NRG4: variants seen among roughly 807,000 people sequenced by gnomAD.
The protein encoded by NRG4 is neuregulin 4.
NRG4 carries 10 observed loss-of-function variants against 15.0 expected under a neutral mutation model. That is an observed-to-expected ratio of 0.67 (90% CI 0.41 to 1.13). The LOEUF (loss-of-function observed/expected upper bound fraction) is 1.13, where lower values mean the gene tolerates loss of function less well. Ranked by LOEUF, NRG4 falls within the 50% of genes most tolerant of loss-of-function variation. The probability of loss-of-function intolerance (pLI) is 0.00; values close to 1 mark genes in which losing one functional copy is unlikely to be tolerated. For synonymous variants in NRG4, 41 were observed against 50.1 expected, an observed-to-expected ratio of 0.82 and a Z score of 0.77; for missense variants, 139 against 140.2, an observed-to-expected ratio of 0.99 and a Z score of 0.04.
intron 4 of NRG4, among the ~76,000 whole-genome samples, chr15:76,038,966 T>C (rs535935300): frequency 2.6e-5 from 4 of 152,330 alleles, no homozygotes; most frequent in Admixed American, 2.0e-4. Flanking sequence ...AATCTCTGCC[T>C]GGTAAACCAG....
chr15:75,961,327 G>A (rs1376353519), intron 4 of NRG4, among the ~76,000 whole-genome samples: 1 of 148,742 alleles, frequency 6.7e-6, no homozygotes, highest in East Asian at 2.0e-4. Context: ...CAAATTAATT[G>A]CCTTTTTGTC....
At chr15:76,011,580 G>A (rs1022958912) in intron 1 of NRG4, among the ~76,000 whole-genome samples, 7 of 151,628 alleles carry the variant, frequency 4.6e-5, no homozygotes, top group Admixed American at 2.0e-4. Flanking sequence ...GCTTTTTTTC[G>A]TAAACATTGT....
intron 3 of NRG4, among the ~76,000 whole-genome samples, chr15:76,004,698 AAAAT>A (rs1176633769): frequency 1.3e-5 from 2 of 152,138 alleles, no homozygotes; most frequent in Non-Finnish European, 2.9e-5. Context: ...AGGCATATAG[AAAAT>A]AAATAGCAAA....
intron 3 of NRG4, among the ~76,000 whole-genome samples, chr15:75,991,393 C>T (rs1031926744): frequency 6.6e-6 from 1 of 152,126 alleles, no homozygotes; most frequent in African/African-American, 2.4e-5. Flanking sequence ...TAACATCATA[C>T]AAAAACAGGC....
chr15:76,030,801 T>C (rs2141941223), intron 5 of NRG4, among the ~76,000 whole-genome samples: 1 of 152,346 alleles, frequency 6.6e-6, no homozygotes, highest in Admixed American at 6.5e-5. Context: ...CACTGGTGAA[T>C]TCCACCAAAC....
At chr15:75,985,087 T>C (rs1285801044) in intron 3 of NRG4, among the ~76,000 whole-genome samples, 2 of 152,104 alleles carry the variant, frequency 1.3e-5, no homozygotes, top group Admixed American at 1.3e-4. Flanking sequence ...TCAAGTGGTC[T>C]GCTTGCCTCA....
At chr15:76,058,429 A>C (rs1196110111) in intron 1 of NRG4, among the ~76,000 whole-genome samples, 2 of 151,856 alleles carry the variant, frequency 1.3e-5, no homozygotes, top group African/African-American at 4.9e-5. Context: ...TTTTTTTCTC[A>C]GTTTGCCAAA....
chr15:76,059,717 C>T (rs1014422636), exon 1 of NRG4: 1 of 151,676 alleles, frequency 6.6e-6, no homozygotes, highest in Non-Finnish European at 1.5e-5. Context: ...GCCTCCGCCC[C>T]CTGCCCAGCT....
chr15:75,966,715 AT>A (rs764817892), intron 3 of NRG4, among the ~76,000 whole-genome samples: 57 of 151,750 alleles, frequency 3.8e-4, no homozygotes, highest in Admixed American at 1.6e-3. Context: ...CTTCCACCTG[AT>A]ACTCTGTGTC....
chr15:76,027,821 C>T (rs2035356242), intron 5 of NRG4, among the ~76,000 whole-genome samples: 1 of 152,104 alleles, frequency 6.6e-6, no homozygotes, highest in African/African-American at 2.4e-5. Flanking sequence ...ATTGAAATAT[C>T]AAGTAACTTA....
At chr15:75,961,742 T>C (rs562913584) in intron 4 of NRG4, 86 bp downstream of exon 4, 25 of 923,426 alleles carry the variant, frequency 2.7e-5, no homozygotes, top group Non-Finnish European at 4.2e-5. Flanking sequence ...TGGAAAAATA[T>C]CTAGAACTAA....
At chr15:75,964,590 A>T (rs1595961598) in intron 3 of NRG4, among the ~76,000 whole-genome samples, 1 of 152,158 alleles carries the variant, frequency 6.6e-6, no homozygotes, top group East Asian at 1.9e-4. Flanking sequence ...AAAGCTATAA[A>T]CTCATTACTC....
At chr15:75,959,636 A>T (rs2454471) in intron 4 of NRG4, among the ~76,000 whole-genome samples, 1,756 of 152,146 alleles carry the variant, frequency 0.012, 31 homozygotes, top group African/African-American at 0.039. Context: ...TTGGGAATAC[A>T]GATGTGTACC....
At chr15:76,057,014 T>G (rs1259056661) in exon 2 of NRG4, 1 of 152,122 alleles carries the variant, frequency 6.6e-6, no homozygotes, top group Admixed American at 6.6e-5. Context: ...AAACGAACAG[T>G]TATGTCTGGC....
intron 4 of NRG4, among the ~76,000 whole-genome samples, chr15:75,959,382 C>G (rs1010410979): frequency 6.6e-6 from 1 of 152,066 alleles, no homozygotes; most frequent in African/African-American, 2.4e-5. Context: ...GTATTTCTGG[C>G]TCTTTATCTT....
chr15:76,004,599 CAAA>C (rs550312663), intron 3 of NRG4, among the ~76,000 whole-genome samples: 3 of 60,222 alleles, frequency 5.0e-5, no homozygotes, highest in Non-Finnish European at 6.9e-5. Context: ...AACTCCGTCT[CAAA>C]AAAAAAAAAA....
rs2032372456 is a variant in NRG4 at position 75,958,855 on chromosome 15, T to C, written c.252-2844A>G. Among the ~76,000 whole-genome samples, 3 of 152,328 alleles carry C rather than the reference T, an allele frequency of 2.0e-5. No individual in the cohort carries two copies. In the South Asian group the frequency reaches 6.2e-4, roughly 32 times the overall value. ...TTAGAAGGTCTCCTTTCTGAAACTT[T>C]GCTGCTCTGGGGCATTGAACACCTG... On this transcript the variant is annotated intron_variant, in intron 4 of 5. Coordinates refer to ENST00000394907, the MANE Select transcript of NRG4 (RefSeq NM_138573.4).
intron 3 of NRG4, among the ~76,000 whole-genome samples, chr15:75,982,058 C>T (rs2033628072): frequency 6.6e-6 from 1 of 152,132 alleles, no homozygotes; most frequent in African/African-American, 2.4e-5. Flanking sequence ...CAGACAGCTT[C>T]ATAGAGAATT....
At chr15:75,944,653 C>CTA (rs1433087938) in intron 5 of NRG4, among the ~76,000 whole-genome samples, 10 of 152,162 alleles carry the variant, frequency 6.6e-5, no homozygotes, top group Non-Finnish European at 1.2e-4. Context: ...ATAATATGAG[C>CTA]TAACATTATT....
Sources: allele counts gnomAD v4.1 joint callset (sites outside exome capture counted in the v4.1 genomes callset), GRCh38; gene constraint gnomAD v4.1.1; transcripts MANE v1.5; gene names NCBI Gene and HGNC (gene_info 2026-07-23, HGNC 2026-07-21).